ANXA10: variants seen among roughly 807,000 people sequenced by gnomAD.
ANXA10 encodes annexin A10.
ANXA10 carries 49 observed loss-of-function variants against 53.5 expected under a neutral mutation model. The ratio of observed to expected loss-of-function variants is 0.92; its 90% CI spans 0.73 to 1.16. The LOEUF is 1.16. ANXA10 is among the 50% of genes most tolerant of loss of function. The pLI is 0.00. For missense variants in ANXA10, 393 were observed against 394.4 expected (o/e 1.00, Z 0.03); for synonymous variants, 131 against 128.9 (o/e 1.02, Z -0.11).
chr4:168,160,188 A>G (rs1221300490), intron 3 of ANXA10, among the ~76,000 whole-genome samples: 2 of 152,084 alleles, frequency 1.3e-5, no homozygotes, highest in South Asian at 2.1e-4. Flanking sequence ...TCCATTAGCT[A>G]TTCTTCCTGA....
intron 3 of ANXA10, among the ~76,000 whole-genome samples, chr4:168,147,641 CAT>C (rs1423986348): frequency 1.3e-5 from 2 of 152,202 alleles, no homozygotes; most frequent in African/African-American, 4.8e-5. Flanking sequence ...GGTCTCCAAT[CAT>C]AAGGTTTTTT....
intron 11 of ANXA10, among the ~76,000 whole-genome samples, 181 bp downstream of exon 11, chr4:168,184,862 C>A (rs1240667197): frequency 6.6e-6 from 1 of 152,148 alleles, no homozygotes; most frequent in African/African-American, 2.4e-5. Flanking sequence ...ACTTAGAAAA[C>A]CCTTTACCTC....
chr4:168,116,809 G>A (rs1730902187), intron 1 of ANXA10, among the ~76,000 whole-genome samples: 1 of 152,084 alleles, frequency 6.6e-6, no homozygotes, highest in South Asian at 2.1e-4. Context: ...TCCAGAAGTA[G>A]GGATGTGTTT....
Position 168,187,507 on chromosome 4 carries a change from G to A in ANXA10, c.*73G>A. The A allele has an allele frequency of 2.0e-6, 2 of 1,024,666 alleles. No individual in the cohort carries two copies. The highest frequency in any genetic ancestry group is 3.9e-5 in the South Asian group (2 of 51,806). 63.5% of individuals were successfully genotyped at this position (1,024,666 alleles called of 1,614,324 possible). ...CAAATAGAGATTTTCTCACAAATTTGTACTGTTCATGGCACTATTAACAAA... is the reference window on the plus strand; with the variant it reads ...CAAATAGAGATTTTCTCACAAATTTATACTGTTCATGGCACTATTAACAAA... On this transcript the variant is annotated 3_prime_UTR_variant, in exon 12 of 12. Coordinates refer to ENST00000359299, the MANE Select transcript of ANXA10 (RefSeq NM_007193.5).
At chr4:168,098,024 T>C (rs897546567) in intron 1 of ANXA10, among the ~76,000 whole-genome samples, 13 of 152,216 alleles carry the variant, frequency 8.5e-5, no homozygotes, top group Non-Finnish European at 1.9e-4. Flanking sequence ...ATTATAAAAT[T>C]ATCTGTTATT....
chr4:168,132,269 A>G (rs971312304), intron 2 of ANXA10, among the ~76,000 whole-genome samples: 2 of 152,104 alleles, frequency 1.3e-5, no homozygotes, highest in Non-Finnish European at 2.9e-5. Context: ...TAATACAAAT[A>G]CTCAACAGAG....
chr4:168,180,731 T>C (rs747689302), intron 9 of ANXA10, among the ~76,000 whole-genome samples: 1 of 152,242 alleles, frequency 6.6e-6, no homozygotes, highest in African/African-American at 2.4e-5. Context: ...AATACTGTTA[T>C]GATTATTTCA....
At chr4:168,099,377 G>A (rs1730602139) in intron 1 of ANXA10, among the ~76,000 whole-genome samples, 1 of 152,118 alleles carries the variant, frequency 6.6e-6, no homozygotes, top group African/African-American at 2.4e-5. Context: ...GGGGACACAT[G>A]CACCTTCTGT....
At chr4:168,152,109 C>T (rs1049242707) in intron 3 of ANXA10, among the ~76,000 whole-genome samples, 5 of 152,184 alleles carry the variant, frequency 3.3e-5, no homozygotes, top group African/African-American at 1.2e-4. Context: ...TCTACCTATT[C>T]CACCTGGGTG....
At chr4:168,098,062 T>C (rs1730579959) in intron 1 of ANXA10, among the ~76,000 whole-genome samples, 2 of 151,950 alleles carry the variant, frequency 1.3e-5, no homozygotes, top group Non-Finnish European at 1.5e-5. Flanking sequence ...CCATTAACAT[T>C]AATACAGTGT....
rs1413182133 is a variant in ANXA10, at chr4:168,179,232, A to C, written c.644A>C (p.Gln215Pro). ...TTTGTTAAAGTTTTCCAGGAATTTC[A>C]AAATATTTCTGGGCAAGATATGGTA... The part of the protein sequence containing the change: ...QQLRLVFQEF[Q>P]NISGQDMVDA... Residue 215 changes from glutamine (Q) to proline (P), a missense_variant, in exon 9 of 12, where the codon CAA (glutamine) becomes CCA (proline). Physicochemically the swap from Gln to Pro is moderately conservative, Grantham distance 76. Coordinates refer to ENST00000359299, the MANE Select transcript of ANXA10 (RefSeq NM_007193.5). The C allele has an allele frequency of 1.9e-6, 3 of 1,608,116 alleles. No homozygotes were observed. Among genetic ancestry groups the C allele is most frequent in the Non-Finnish European group, 2.5e-6 (3 of 1,176,970 alleles).
intron 9 of ANXA10, among the ~76,000 whole-genome samples, chr4:168,180,020 C>T (rs573262918): frequency 6.6e-6 from 1 of 152,242 alleles, no homozygotes; most frequent in Non-Finnish European, 1.5e-5. Context: ...GTCAAGTAAT[C>T]ACTTAGATAC....
intron 6 of ANXA10, among the ~76,000 whole-genome samples, chr4:168,173,127 G>A (rs1305700905): frequency 6.6e-6 from 1 of 152,146 alleles, no homozygotes. Context: ...AGGCCTCATT[G>A]AGAAGATGAG....
At chr4:168,117,013 T>A (rs1191884487) in intron 1 of ANXA10, among the ~76,000 whole-genome samples, 1 of 20,608 alleles carries the variant, frequency 4.9e-5, no homozygotes, top group Non-Finnish European at 1.2e-4. Flanking sequence ...ACACACACTA[T>A]GTGGTGTTAT....
chr4:168,128,006 G>A, intron 1 of ANXA10, 78 bp from the exon 2 acceptor site: 2 of 1,302,050 alleles, frequency 1.5e-6, no homozygotes, highest in Non-Finnish European at 2.2e-6. Flanking sequence ...TTACAGGTAT[G>A]AGCCACTGTG....
At chr4:168,185,436 C>G (rs1042787316) in intron 11 of ANXA10, among the ~76,000 whole-genome samples, 1 of 152,152 alleles carries the variant, frequency 6.6e-6, no homozygotes, top group African/African-American at 2.4e-5. Flanking sequence ...ACTGCTAATT[C>G]GGAGGGACTT....
At chr4:168,142,426 A>G (rs984342248) in intron 3 of ANXA10, among the ~76,000 whole-genome samples, 7 of 152,050 alleles carry the variant, frequency 4.6e-5, no homozygotes, top group African/African-American at 1.7e-4. Context: ...TGTTTTATCT[A>G]TCTTCAATAA....
chr4:168,183,909 G>A lies in ANXA10; in HGVS notation c.784-650G>A, dbSNP rs531785003. ...CTGTTTTCTGGCCACTAGATGTCAC[G>A]ATTACTCTGTTTGGAAAGACAATTT... On this transcript the variant is annotated intron_variant, in intron 10 of 11. Coordinates refer to ENST00000359299, the MANE Select transcript of ANXA10 (RefSeq NM_007193.5). Among the ~76,000 whole-genome samples the A allele has an allele frequency of 1.5e-3, 226 of 152,160 alleles. 2 individuals carry two copies. The highest frequency in any genetic ancestry group is 4.1e-3 in the African/African-American group (169 of 41,494).
At chr4:168,092,925 C>T (rs1730482547) in intron 1 of ANXA10, among the ~76,000 whole-genome samples, 1 of 151,978 alleles carries the variant, frequency 6.6e-6, no homozygotes, top group Non-Finnish European at 1.5e-5. Context: ...TTAAACATTA[C>T]TATGATAACA....
Sources: gnomAD v4.1 joint callset for allele counts (sites outside exome capture counted in the v4.1 genomes callset) on GRCh38, gnomAD v4.1.1 for gene constraint, MANE v1.5 for transcripts, NCBI Gene and HGNC (gene_info 2026-07-23, HGNC 2026-07-21) for gene names.